The following FOCAD variants were observed in gnomAD, a reference collection of about 807,000 sequenced individuals.
FOCAD encodes KIAA1797.
A neutral mutation model predicts 225.6 loss-of-function variants in FOCAD; 198 were observed. The ratio of observed to expected loss-of-function variants is 0.88; its 90% CI spans 0.78 to 0.99. The LOEUF (loss-of-function observed/expected upper bound fraction) is 0.99, where lower values mean the gene tolerates loss of function less well. Ranked by LOEUF, FOCAD falls within the 50% of genes least tolerant of loss-of-function variation. FOCAD has a pLI of 0.00. For synonymous variants in FOCAD, 897 were observed against 755.0 expected (o/e 1.19, Z -3.08); for missense variants, 2,713 against 2,123.6 (o/e 1.28, Z -5.46).
chr9:20,916,492 G>T (rs1210502886), intron 23 of FOCAD, among the ~76,000 whole-genome samples: 1 of 152,106 alleles, frequency 6.6e-6, no homozygotes, highest in African/African-American at 2.4e-5. Flanking sequence ...AGTCAGTTTG[G>T]GCTTCTAAAT....
Position 20,679,115 on chromosome 9 carries a change from C to CTGTGTGTGTGTG in FOCAD, c.-77-15400_-77-15399insGTGTGTGTGTGT, listed in dbSNP as rs1221269261. Reference sequence around the variant, plus strand: ...CAAGGTCAAAGGGGCAACAGACAGTCTGTGTATGTGTGTGTGTGTGTGTGT... The same window carrying CTGTGTGTGTGTG: ...CAAGGTCAAAGGGGCAACAGACAGTCTGTGTGTGTGTGTGTGTATGTGTGTGTGTGTGTGTGT... On this transcript the variant is annotated intron_variant, in intron 2 of 45. Transcript: ENST00000380249. Among the ~76,000 whole-genome samples the CTGTGTGTGTGTG allele has an allele frequency of 2.8e-4, 26 of 92,962 alleles. 1 individual carries two copies. Among genetic ancestry groups the CTGTGTGTGTGTG allele is most frequent in the Admixed American group, 4.1e-4 (4 of 9,846 alleles). 61.0% of individuals were successfully genotyped at this position (92,962 alleles called of 152,430 possible). A position where few individuals can be genotyped will look rare whatever the true frequency, so the allele number is the denominator to read the frequency against.
At chr9:20,915,934 G>T (rs1833831721) in intron 23 of FOCAD, among the ~76,000 whole-genome samples, 1 of 152,072 alleles carries the variant, frequency 6.6e-6, no homozygotes, top group Non-Finnish European at 1.5e-5. Context: ...TTAGGAATAC[G>T]GAAATTAAAC....
At chr9:20,968,034 GT>G (rs1839422606) in intron 35 of FOCAD, among the ~76,000 whole-genome samples, 1 of 152,108 alleles carries the variant, frequency 6.6e-6, no homozygotes. Context: ...AAAGATTGGT[GT>G]TAATTCTTTA....
intron 26 of FOCAD, 131 bp downstream of exon 26, chr9:20,926,548 C>A: frequency 1.7e-6 from 1 of 603,518 alleles, no homozygotes. Flanking sequence ...CTTTGGAAGT[C>A]TGAGGTGGGC....
intron 21 of FOCAD, 66 bp from the exon 22 acceptor site, chr9:20,907,084 C>A: frequency 7.9e-7 from 1 of 1,264,780 alleles, no homozygotes; most frequent in Non-Finnish European, 1.1e-6. Flanking sequence ...ACTGATGAAA[C>A]AGTTTTAATT....
intron 35 of FOCAD, among the ~76,000 whole-genome samples, chr9:20,955,902 A>G (rs1195752817): frequency 6.6e-6 from 1 of 150,920 alleles, no homozygotes; most frequent in Non-Finnish European, 1.5e-5. Context: ...TCTAATGCTA[A>G]TATTAGATAT....
chr9:20,944,526 T>C (rs1330739646), intron 28 of FOCAD, 101 bp from the exon 29 acceptor site: 65 of 1,340,142 alleles, frequency 4.9e-5, no homozygotes, highest in African/African-American at 7.2e-5. Context: ...AATCCAGCCA[T>C]CTCACCAAGG....
rs1435895575 is a variant in FOCAD, at chr9:20,678,970, C to T, written c.-77-15550C>T. 3.3e-5 allele frequency among the ~76,000 whole-genome samples: 5 copies of T among 152,094 alleles called. No individual in the cohort carries two copies. The South Asian group carries it at 1.0e-3, about 32-fold the overall frequency. On this transcript the variant is annotated intron_variant, in intron 2 of 45. Coordinates refer to the FOCAD transcript ENST00000380249. Reference sequence around the variant, plus strand: ...AGAGTAGGCCTTATCCAGAAGGTAACATCTCAGCAAAGACTTGAATGATCT... The same window carrying T: ...AGAGTAGGCCTTATCCAGAAGGTAATATCTCAGCAAAGACTTGAATGATCT...
intron 28 of FOCAD, among the ~76,000 whole-genome samples, chr9:20,942,688 G>A (rs1836789487): frequency 6.6e-6 from 1 of 152,052 alleles, no homozygotes; most frequent in South Asian, 2.1e-4. Context: ...TTGAGTGCCT[G>A]TATACGCCAA....
At position 20,976,424 on chromosome 9, in the gene FOCAD, T is replaced by C; in HGVS notation, c.4137T>C (p.Pro1379=). The C allele has an allele frequency of 6.2e-7, 1 of 1,612,788 alleles. No individual in the cohort carries two copies. The highest frequency in any genetic ancestry group is 8.5e-7 in the Non-Finnish European group (1 of 1,179,014). The change falls in exon 36 of 44, where the codon CCT becomes CCC. Residue 1379 remains proline, a synonymous_variant. Coordinates refer to ENST00000338382, the MANE Select transcript of FOCAD (RefSeq NM_001375567.1). The part of the protein sequence containing the change: ...GFFITGGKKG[P]ESVPPSLLKV... ...ATTTTTCACTGTCTGTTATAGGTCCTGAATCTGTGCCTCCTTCCCTTCTTA... is the reference window on the plus strand; with the variant it reads ...ATTTTTCACTGTCTGTTATAGGTCCCGAATCTGTGCCTCCTTCCCTTCTTA...
At chr9:20,745,032 CT>C (rs1225695109) in intron 5 of FOCAD, among the ~76,000 whole-genome samples, 1 of 151,932 alleles carries the variant, frequency 6.6e-6, no homozygotes, top group Non-Finnish European at 1.5e-5. Flanking sequence ...TTTTTTCTCC[CT>C]TTTTTATTTG....
chr9:20,740,322 A>C lies in FOCAD; in HGVS notation c.374A>C (p.Gln125Pro). The change falls in exon 5 of 44, where the codon CAG becomes CCG. Residue 125 changes from glutamine to proline, a missense_variant. Transcript: ENST00000338382. ...GGACAAGGTGGGGAAAAGAATATTC[A>C]GAGTATATATACCATTAGGTAAGCC... ...KEGQGGEKNIQSIYTIRNHPH... is the reference protein window; with the variant it reads ...KEGQGGEKNIPSIYTIRNHPH... 6.2e-7 allele frequency: 1 copy of C among 1,604,062 alleles called. No homozygotes were observed. Among genetic ancestry groups the C allele is most frequent in the South Asian group, 1.1e-5 (1 of 90,670 alleles).
At chr9:20,975,964 A>C (rs1312576267) in intron 35 of FOCAD, among the ~76,000 whole-genome samples, 1 of 152,180 alleles carries the variant, frequency 6.6e-6, no homozygotes, top group African/African-American at 2.4e-5. Context: ...ATGAGGAATA[A>C]GTTCAAATAC....
In FOCAD at chr9:20,765,759, G is replaced by A. The variant is rs570000509; in HGVS notation, c.699+686G>A. ...TGAAAAAAAATCCAGTTGCCCAGGTGTTGTGATTTTAGTGTAGTGATTCAT... is the reference window on the plus strand; with the variant it reads ...TGAAAAAAAATCCAGTTGCCCAGGTATTGTGATTTTAGTGTAGTGATTCAT... On this transcript the variant is annotated intron_variant, in intron 7 of 43. Coordinates refer to ENST00000338382, the MANE Select transcript of FOCAD (RefSeq NM_001375567.1). Among the ~76,000 whole-genome samples the A allele has an allele frequency of 3.3e-5, 5 of 152,346 alleles. No homozygotes were observed. In the East Asian group the frequency reaches 9.6e-4, roughly 29 times the overall value.
intron 40 of FOCAD, among the ~76,000 whole-genome samples, chr9:20,987,831 CAAAATT>C (rs1841323997): frequency 6.6e-6 from 1 of 151,998 alleles, no homozygotes; most frequent in African/African-American, 2.4e-5. Context: ...TTTTAAAAAA[CAAAATT>C]AAAAGGGAAA....
At chr9:20,758,365 T>A (rs1351731088) in intron 6 of FOCAD, among the ~76,000 whole-genome samples, 174 bp downstream of exon 6, 4 of 152,058 alleles carry the variant, frequency 2.6e-5, no homozygotes, top group African/African-American at 9.7e-5. Context: ...TTTTTAAATT[T>A]AATTTTATTA....
chr9:20,795,596 T>TA (rs774782089), intron 11 of FOCAD, among the ~76,000 whole-genome samples: 6 of 151,932 alleles, frequency 3.9e-5, no homozygotes, highest in East Asian at 1.9e-4. Context: ...CCATCCTGGC[T>TA]ACACGGTGAA....
intron 24 of FOCAD, among the ~76,000 whole-genome samples, chr9:20,922,031 GA>G (rs1335202052): frequency 2.7e-4 from 41 of 152,246 alleles, no homozygotes; most frequent in African/African-American, 9.6e-4. Context: ...TTTGCAGTAG[GA>G]AAGGCCTCAG....
chr9:20,859,964 A>C (rs1828610677), intron 15 of FOCAD, among the ~76,000 whole-genome samples: 1 of 151,952 alleles, frequency 6.6e-6, no homozygotes, highest in African/African-American at 2.4e-5. Context: ...GGAGGTGATA[A>C]AAATGTTCCA....
Sources: gnomAD v4.1 joint callset for allele counts (sites outside exome capture counted in the v4.1 genomes callset) on GRCh38, gnomAD v4.1.1 for gene constraint, MANE v1.5 for transcripts, NCBI Gene and HGNC (gene_info 2026-07-23, HGNC 2026-07-21) for gene names.